Variants in TRIM45 observed in about 807,000 individuals in gnomAD.
TRIM45 encodes tripartite motif containing 45, also known as E3 ubiquitin-protein ligase TRIM45.
Under a neutral mutation model 46.7 loss-of-function variants are expected in TRIM45, and 45 were observed. That is an observed-to-expected ratio of 0.96 (90% CI 0.76 to 1.24). The LOEUF (loss-of-function observed/expected upper bound fraction) is 1.24, where lower values mean the gene tolerates loss of function less well. Ranked by LOEUF, TRIM45 falls within the 50% of genes most tolerant of loss-of-function variation. The probability of loss-of-function intolerance (pLI) is 0.00; values close to 1 mark genes in which losing one functional copy is unlikely to be tolerated. For synonymous variants in TRIM45, 259 were observed against 285.8 expected (o/e 0.91, Z 0.94); for missense variants, 680 against 728.4 (o/e 0.93, Z 0.77).
Position 117,121,327 on chromosome 1 carries a change from G to A in TRIM45, c.-126C>T, listed in dbSNP as rs112383862. 3.6e-3 allele frequency: 4,367 copies of A among 1,204,460 alleles called. 108 individuals are homozygous for A. The African/African-American group carries it at 0.054, about 15-fold the overall frequency. 74.6% of individuals were successfully genotyped at this position (1,204,460 alleles called of 1,614,324 possible). A position where few individuals can be genotyped will look rare whatever the true frequency, so the allele number is the denominator to read the frequency against. ...GAACAGAGACCATGGGGACTCCCTC[G>A]CTGACAAATAAAAGGGCAGACGGGA... On this transcript the variant is annotated 5_prime_UTR_variant, in exon 1 of 6. Transcript: ENST00000256649. This position sits in a 1 kb window ranked among gnomAD's most constrained non-coding sequence, Gnocchi z 4.2.
Position 117,121,340 on chromosome 1 carries a change from AGGGCAGAC to A in TRIM45, c.-147_-140del. On this transcript the variant is annotated 5_prime_UTR_variant, in exon 1 of 6. Transcript: ENST00000256649. This position sits in a 1 kb window ranked among gnomAD's most constrained non-coding sequence, Gnocchi z 4.2. ...GGGGACTCCCTCGCTGACAAATAAA[AGGGCAGAC>A]GGGAAGACGAGGCGTCCTCGAAGGA... The A allele has an allele frequency of 9.3e-7, 1 of 1,078,892 alleles. No individual in the cohort carries two copies. Among genetic ancestry groups the A allele is most frequent in the Non-Finnish European group, 1.3e-6 (1 of 763,312 alleles). The allele number at this position is 1,078,892 out of a possible 1,614,324, so 66.8% of individuals were successfully genotyped here. A position where few individuals can be genotyped will look rare whatever the true frequency, so the allele number is the denominator to read the frequency against.
chr1:117,115,424 G>A lies in TRIM45; in HGVS notation c.1467+151C>T, dbSNP rs1650362202. ...CAACAGCATCCTCCAGGAAGAATAA[G>A]AGTAGCAAAATCTGGGCTGTTTCTA... On this transcript the variant is annotated intron_variant, in intron 4 of 5. Coordinates refer to ENST00000256649, the MANE Select transcript of TRIM45 (RefSeq NM_025188.4). The surrounding 1 kb of genome is among the most constrained non-coding windows in gnomAD (Gnocchi z 4.2). The A allele has an allele frequency of 1.6e-6, 1 of 607,794 alleles. No homozygotes were observed. Among genetic ancestry groups the A allele is most frequent in the Non-Finnish European group, 2.9e-6 (1 of 339,664 alleles). 37.7% of individuals were successfully genotyped at this position (607,794 alleles called of 1,614,324 possible). A position where few individuals can be genotyped will look rare whatever the true frequency, so the allele number is the denominator to read the frequency against.
intron 4 of TRIM45, among the ~76,000 whole-genome samples, chr1:117,114,494 T>TA (rs1197894638): frequency 6.6e-6 from 1 of 152,190 alleles, no homozygotes; most frequent in East Asian, 1.9e-4. Context: ...AATGTGCCTA[T>TA]CCTTATGTGA....
rs549202465 is a variant in TRIM45, at chr1:117,118,909, CCT to C, written c.489-144_489-143del. On this transcript the variant is annotated intron_variant, in intron 1 of 5. Coordinates refer to ENST00000256649, the MANE Select transcript of TRIM45 (RefSeq NM_025188.4). This position sits in a 1 kb window ranked among gnomAD's most constrained non-coding sequence, Gnocchi z 5.7. ...TTGCTCTAATCTCTAATTGCATGAA[CCT>C]CTCTGATTCCAGTTTCTCATCTGTA... The C allele has an allele frequency of 1.0e-3, 1,121 of 1,110,682 alleles. 17 individuals are homozygous for C. The South Asian group carries it at 0.017, about 17-fold the overall frequency. 68.8% of individuals were successfully genotyped at this position (1,110,682 alleles called of 1,614,324 possible). A position where few individuals can be genotyped will look rare whatever the true frequency, so the allele number is the denominator to read the frequency against.
rs1280580443 is a variant in TRIM45, at chr1:117,112,425, G to A, written c.1623C>T (p.His541=). 6.2e-7 allele frequency: 1 copy of A among 1,613,862 alleles called. No homozygotes were observed. The highest frequency in any genetic ancestry group is 1.3e-5 in the African/African-American group (1 of 75,034). The change falls in exon 6 of 6, where the codon CAC becomes CAT. Residue 541 remains histidine, a synonymous_variant. Transcript: ENST00000256649. ...PGGYLGCGHG[H]KGHPGHPHWS... ...AGTGGGGATGACCTGGGTGGCCTTTGTGTCCATGGCCACAGCCTAGGTACC... is the reference window on the plus strand; with the variant it reads ...AGTGGGGATGACCTGGGTGGCCTTTATGTCCATGGCCACAGCCTAGGTACC...
In TRIM45 at chr1:117,112,129, C is replaced by T. The variant is rs552729328; in HGVS notation, c.*176G>A. 33 of 656,322 alleles carry T rather than the reference C, an allele frequency of 5.0e-5. No homozygotes were observed. The South Asian group carries it at 1.3e-3, about 26-fold the overall frequency. 40.7% of individuals were successfully genotyped at this position (656,322 alleles called of 1,614,324 possible). A position where few individuals can be genotyped will look rare whatever the true frequency, so the allele number is the denominator to read the frequency against. On this transcript the variant is annotated 3_prime_UTR_variant, in exon 6 of 6. Transcript: ENST00000256649. ...AAATGTAGAGGTGGTTTTTTGTGCTCAACCATCCACAAGTACAATCAGTGA... is the reference window on the plus strand; with the variant it reads ...AAATGTAGAGGTGGTTTTTTGTGCTTAACCATCCACAAGTACAATCAGTGA...
chr1:117,112,291 T>C lies in TRIM45; in HGVS notation c.*14A>G, dbSNP rs1650242860. On this transcript the variant is annotated 3_prime_UTR_variant, in exon 6 of 6. Transcript: ENST00000256649. ...GGTGCTGCCTGCAGCTTTAAAAGGC[T>C]GAGCACAAACCCATCAGAGAGCCAC... 2 of 1,554,738 alleles carry C rather than the reference T, an allele frequency of 1.3e-6. No individual in the cohort carries two copies. Among genetic ancestry groups the C allele is most frequent in the Non-Finnish European group, 1.7e-6 (2 of 1,149,694 alleles).
At chr1:117,119,345 C>G (rs1184206201) in intron 1 of TRIM45, among the ~76,000 whole-genome samples, 1 of 152,282 alleles carries the variant, frequency 6.6e-6, no homozygotes, top group Non-Finnish European at 1.5e-5. Context: ...GTGGCTCACG[C>G]CTGTAACCCC....
chr1:117,112,411 C>A lies in TRIM45; in HGVS notation c.1637G>T (p.Gly546Val). The A allele has an allele frequency of 6.2e-7, 1 of 1,614,010 alleles. No homozygotes were observed. Among genetic ancestry groups the A allele is most frequent in the South Asian group, 1.1e-5 (1 of 91,044 alleles). The change falls in exon 6 of 6, where the codon GGT becomes GTT. Residue 546 changes from glycine to valine, a missense_variant. Gly to Val is a moderately radical substitution (Grantham distance 109, BLOSUM62 -3). Around this residue, in one of 3 missense-constraint regions of TRIM45, gnomAD observed 322 missense variants for 359.3 expected, o/e 0.90. Transcript: ENST00000256649. ...TCCACAGCATGACCAGTGGGGATGA[C>A]CTGGGTGGCCTTTGTGTCCATGGCC... is the stretch of plus-strand genomic sequence containing the variant. ...GCGHGHKGHP[G>V]HPHWSCCGKF...
At position 117,118,425 on chromosome 1, in the gene TRIM45, G is replaced by C; in HGVS notation, c.831C>G (p.Val277=). Residue 277 remains valine (V), a synonymous_variant, in exon 2 of 6, where the codon GTC becomes GTG. Coordinates refer to ENST00000256649, the MANE Select transcript of TRIM45 (RefSeq NM_025188.4). This position sits in a 1 kb window ranked among gnomAD's most constrained non-coding sequence, Gnocchi z 5.7. ...TAATGTAGCCCTCCGAGAATGTCCG[G>C]ACATCAGCTGCCACTGCCTCCACTC... ...QKRVEAVAAD[V]RTFSEGYIKA... is the part of the protein sequence containing the mutation. 6.2e-7 allele frequency: 1 copy of C among 1,614,090 alleles called. No individual in the cohort carries two copies. Among genetic ancestry groups the C allele is most frequent in the Non-Finnish European group, 8.5e-7 (1 of 1,180,034 alleles).
chr1:117,120,220 C>A (rs997910247), intron 1 of TRIM45, among the ~76,000 whole-genome samples: 1 of 152,202 alleles, frequency 6.6e-6, no homozygotes. Context: ...GGAATGTAGT[C>A]AAAATGATCT....
At chr1:117,112,803 TA>T (rs911641615) in intron 5 of TRIM45, among the ~76,000 whole-genome samples, 3 of 152,110 alleles carry the variant, frequency 2.0e-5, no homozygotes, top group African/African-American at 7.2e-5. Flanking sequence ...TGGTGGACAT[TA>T]AAAAAATAGA....
At position 117,113,052 on chromosome 1, in the gene TRIM45, T is replaced by C. The variant is rs1033340300; in HGVS notation, c.1594+307A>G. 9.8e-5 allele frequency among the ~76,000 whole-genome samples: 15 copies of C among 152,316 alleles called. No individual in the cohort carries two copies. The highest frequency in any genetic ancestry group is 3.1e-4 in the African/African-American group (13 of 41,572). On this transcript the variant is annotated intron_variant, in intron 5 of 5. Transcript: ENST00000256649. This position sits in a 1 kb window ranked among gnomAD's most constrained non-coding sequence, Gnocchi z 4.0. ...TTCTAAAAGGAATAAGATGGGTCCA[T>C]AGTTTTCACACTGCTTAGGCCGCTG...
chr1:117,115,512 T>C lies in TRIM45; in HGVS notation c.1467+63A>G. 8.7e-7 allele frequency: 1 copy of C among 1,145,890 alleles called. No individual in the cohort carries two copies. The highest frequency in any genetic ancestry group is 1.2e-5 in the South Asian group (1 of 80,206). The allele number at this position is 1,145,890 out of a possible 1,614,324, so 71.0% of individuals were successfully genotyped here. On this transcript the variant is annotated intron_variant, in intron 4 of 5. Transcript: ENST00000256649. This position sits in a 1 kb window ranked among gnomAD's most constrained non-coding sequence, Gnocchi z 4.2. ...TCTGTATAGCTGATCCTATGTGAAA[T>C]GTCTCCAGATCCTAAGACAGTAGAA... is the stretch of plus-strand genomic sequence containing the variant.
chr1:117,118,383 A>T lies in TRIM45; in HGVS notation c.873T>A (p.His291Gln). 1 of 1,613,988 alleles carries T rather than the reference A, an allele frequency of 6.2e-7. No homozygotes were observed. Among genetic ancestry groups the T allele is most frequent in the Non-Finnish European group, 8.5e-7 (1 of 1,179,976 alleles). The change falls in exon 2 of 6, where the codon CAT becomes CAA. Residue 291 changes from histidine to glutamine, a missense_variant. By Grantham distance (24) the His-to-Gln change is conservative. This residue lies in a region of TRIM45 where 9 missense variants were observed against 25.6 expected (regional missense o/e 0.35). Coordinates refer to ENST00000256649, the MANE Select transcript of TRIM45 (RefSeq NM_025188.4). This position sits in a 1 kb window ranked among gnomAD's most constrained non-coding sequence, Gnocchi z 5.7. ...CCAGCTGCTTCAGCAGCTTGTCCCGATGCTCCTCAATGGCCTTAATGTAGC... is the reference window on the plus strand; with the variant it reads ...CCAGCTGCTTCAGCAGCTTGTCCCGTTGCTCCTCAATGGCCTTAATGTAGC... ...SEGYIKAIEE[H>Q]RDKLLKQLED...
At chr1:117,120,356 A>AG (rs1255613507) in intron 1 of TRIM45, among the ~76,000 whole-genome samples, 2 of 152,222 alleles carry the variant, frequency 1.3e-5, no homozygotes, top group Non-Finnish European at 2.9e-5. Flanking sequence ...TTTCTGTAAG[A>AG]GTTGCAAGAT....
Position 117,118,736 on chromosome 1 carries a change from C to T in TRIM45, c.520G>A (p.Val174Met). The T allele has an allele frequency of 5.0e-6, 8 of 1,613,250 alleles. No homozygotes were observed. Among genetic ancestry groups the T allele is most frequent in the Middle Eastern group, 3.3e-4 (2 of 6,060 alleles). Residue 174 changes from valine to methionine, a missense_variant, in exon 2 of 6, where the codon GTG becomes ATG. Physicochemically the swap from Val to Met is conservative, Grantham distance 21. Coordinates refer to ENST00000256649, the MANE Select transcript of TRIM45 (RefSeq NM_025188.4). The surrounding 1 kb of genome is among the most constrained non-coding windows in gnomAD (Gnocchi z 5.7). ...TAGCCTTTCAAGTCTTTTAGGTCCA[C>T]CATGGTGTGGTAAGTCGTTTTCTTC... ...RQKKTTYHTM[V>M]DLKDLKGYSR... is the part of the protein sequence containing the mutation.
rs910682043 is a variant in TRIM45 at position 117,118,193 on chromosome 1, T to C, written c.1063A>G (p.Arg355Gly). 1 of 1,614,256 alleles carries C rather than the reference T, an allele frequency of 6.2e-7. No individual in the cohort carries two copies. Among genetic ancestry groups the C allele is most frequent in the African/African-American group, 1.3e-5 (1 of 75,070 alleles). ...ITKRVVVERL[R>G]KLNKVQYSTR... ...CTATATTGAACTTTGTTCAGCTTCC[T>C]GAGCCGTTCTACCACCACCCTCTTG... Residue 355 changes from arginine to glycine, a missense_variant, in exon 2 of 6, where the codon AGG (arginine) becomes GGG (glycine). Arg to Gly is a moderately radical substitution (Grantham distance 125). Around this residue, in one of 3 missense-constraint regions of TRIM45, gnomAD observed 322 missense variants for 359.3 expected, o/e 0.90. Transcript: ENST00000256649. The surrounding 1 kb of genome is among the most constrained non-coding windows in gnomAD (Gnocchi z 5.7).
At chr1:117,112,499 G>T in intron 5 of TRIM45, 46 bp from the exon 6 acceptor site, 1 of 1,512,188 alleles carries the variant, frequency 6.6e-7, no homozygotes, top group Non-Finnish European at 8.9e-7. Flanking sequence ...CATTAGCGTG[G>T]AGGCCAGCAG....
Sources: allele counts gnomAD v4.1 joint callset (sites outside exome capture counted in the v4.1 genomes callset), GRCh38; gene constraint gnomAD v4.1.1; regional missense constraint gnomAD v4.1.1; non-coding constraint Gnocchi (gnomAD v3.1); transcripts MANE v1.5; gene names NCBI Gene and HGNC (gene_info 2026-07-23, HGNC 2026-07-21).